The following PEX26 variants were observed in gnomAD, a reference collection of about 807,000 sequenced individuals.
PEX26 encodes the protein peroxisome assembly protein 26.
PEX26 carries 18 observed loss-of-function variants against 31.4 expected under a neutral mutation model. The ratio of observed to expected loss-of-function variants is 0.57; its 90% CI spans 0.40 to 0.85. The LOEUF (loss-of-function observed/expected upper bound fraction) is 0.85, where lower values mean the gene tolerates loss of function less well. Among genes scored for constraint, PEX26 ranks in the 40% least tolerant of loss-of-function variants. The pLI is 0.00. For missense variants in PEX26, 377 were observed against 383.9 expected (o/e 0.98, Z 0.15); for synonymous variants, 176 against 166.9 (o/e 1.05, Z -0.42).
chr22:18,100,502 G>A lies in PEX26; in HGVS notation c.*12427G>A, dbSNP rs1247302221. 1 of 152,112 alleles carries A rather than the reference G, an allele frequency of 6.6e-6. No individual in the cohort carries two copies. The highest frequency in any genetic ancestry group is 1.9e-4 in the East Asian group (1 of 5,196). The allele number at this position is 152,112 out of a possible 1,614,324, so 9.4% of individuals were successfully genotyped here. ...GGTCCGAAAGTATTTAGTCAGCAAT[G>A]TACCATTATAGAAAAACACATAGCT... is the stretch of plus-strand genomic sequence containing the variant. On this transcript the variant is annotated 3_prime_UTR_variant, in exon 5 of 5. Transcript: ENST00000399744.
chr22:18,084,810 C>T (rs1043009664), intron 3 of PEX26, among the ~76,000 whole-genome samples: 4 of 151,896 alleles, frequency 2.6e-5, no homozygotes, highest in African/African-American at 9.7e-5. Flanking sequence ...GCAGCCTCCA[C>T]CTCCCAGATT....
chr22:18,093,681 C>G lies in PEX26; in HGVS notation c.*5606C>G, dbSNP rs112669995. On this transcript the variant is annotated 3_prime_UTR_variant, in exon 5 of 5. Transcript: ENST00000399744. ...TAAGGTATTGCAAGAATGCCCAACC[C>G]TCTGGTGTCTGATTGTGTATCTAGC... The G allele has an allele frequency of 6.6e-6, 1 of 152,208 alleles. No individual in the cohort carries two copies. The highest frequency in any genetic ancestry group is 2.4e-5 in the African/African-American group (1 of 41,438). 9.4% of individuals were successfully genotyped at this position (152,208 alleles called of 1,614,324 possible).
chr22:18,084,249 T>C (rs1017605223), intron 3 of PEX26, among the ~76,000 whole-genome samples: 39 of 150,516 alleles, frequency 2.6e-4, no homozygotes, highest in African/African-American at 9.3e-4. Flanking sequence ...TTTTTTTTTT[T>C]TTTTTTTTTG....
At chr22:18,079,690 C>G (rs1338470697) in intron 1 of PEX26, among the ~76,000 whole-genome samples, 184 bp from the exon 2 acceptor site, 1 of 152,148 alleles carries the variant, frequency 6.6e-6, no homozygotes, top group East Asian at 1.9e-4. Context: ...GTTACAGGAA[C>G]TTTTAGTTCC....
In PEX26 at chr22:18,090,025, A is replaced by G. The variant is rs1276598658; in HGVS notation, c.*1950A>G. Reference sequence around the variant, plus strand: ...CCAACTTTTCTTTAGAAAAATGAGTAAAGTAGGTAAACTTCACAGGCCCCT... The same window carrying G: ...CCAACTTTTCTTTAGAAAAATGAGTGAAGTAGGTAAACTTCACAGGCCCCT... On this transcript the variant is annotated 3_prime_UTR_variant, in exon 5 of 5. Transcript: ENST00000399744. 2 of 152,134 alleles carry G rather than the reference A, an allele frequency of 1.3e-5. No individual in the cohort carries two copies. The highest frequency in any genetic ancestry group is 2.9e-5 in the Non-Finnish European group (2 of 68,038). The allele number at this position is 152,134 out of a possible 1,614,324, so 9.4% of individuals were successfully genotyped here.
chr22:18,080,139 C>CT (rs1336415084), intron 2 of PEX26, 125 bp downstream of exon 2: 75 of 1,023,542 alleles, frequency 7.3e-5, no homozygotes, highest in Non-Finnish European at 9.4e-5. Context: ...TTTCCCTTCA[C>CT]TTTTTTTTCC....
chr22:18,092,760 T>C lies in PEX26; in HGVS notation c.*4685T>C, dbSNP rs547952008. The C allele has an allele frequency of 9.1e-5, 12 of 131,462 alleles. No individual in the cohort carries two copies. The highest frequency in any genetic ancestry group is 1.8e-4 in the Admixed American group (2 of 10,916). 8.1% of individuals were successfully genotyped at this position (131,462 alleles called of 1,614,324 possible). A position where few individuals can be genotyped will look rare whatever the true frequency, so the allele number is the denominator to read the frequency against. ...ACTTTGGGAGGCCAGAGTGGGAGGA[T>C]TGCTTGAGCCTAGGAGTTCAAAGCT... is the stretch of plus-strand genomic sequence containing the variant. On this transcript the variant is annotated 3_prime_UTR_variant, in exon 5 of 5. Transcript: ENST00000399744.
In PEX26 at chr22:18,100,907, G is replaced by C. The variant is rs547438676; in HGVS notation, c.*12832G>C. 6.6e-6 allele frequency: 1 copy of C among 152,238 alleles called. No homozygotes were observed. Among genetic ancestry groups the C allele is most frequent in the East Asian group, 1.9e-4 (1 of 5,206 alleles). 9.4% of individuals were successfully genotyped at this position (152,238 alleles called of 1,614,324 possible). A position where few individuals can be genotyped will look rare whatever the true frequency, so the allele number is the denominator to read the frequency against. The stretch of plus-strand genomic sequence containing the variant: ...AAACACAGTTAATATGCTGGAAGAA[G>C]AGGATAGCTTTTAGTCTATTTCCAG... On this transcript the variant is annotated 3_prime_UTR_variant, in exon 5 of 5. Transcript: ENST00000399744.
At chr22:18,079,128 A>G (rs1926442941) in intron 1 of PEX26, 1 of 755,572 alleles carries the variant, frequency 1.3e-6, no homozygotes, top group Non-Finnish European at 1.6e-6. Flanking sequence ...TGAGCCCAGG[A>G]GTTCGAGACC....
Position 18,098,700 on chromosome 22 carries a change from T to C in PEX26, c.*10625T>C, listed in dbSNP as rs1342076498. ...TTATAATATTATTGTGTAAAATGAG[T>C]AAAAGTCTATAAGAAAAACTTTGAA... On this transcript the variant is annotated 3_prime_UTR_variant, in exon 5 of 5. Transcript: ENST00000399744. The C allele has an allele frequency of 2.0e-5, 3 of 151,906 alleles. No homozygotes were observed. The highest frequency in any genetic ancestry group is 7.2e-5 in the African/African-American group (3 of 41,434). The allele number at this position is 151,906 out of a possible 1,614,324, so 9.4% of individuals were successfully genotyped here. A position where few individuals can be genotyped will look rare whatever the true frequency, so the allele number is the denominator to read the frequency against.
In PEX26 at chr22:18,078,053, T is replaced by A. The variant is rs902985933; in HGVS notation, c.-324T>A. The A allele has an allele frequency of 6.7e-5, 35 of 524,444 alleles. No homozygotes were observed. Among genetic ancestry groups the A allele is most frequent in the African/African-American group, 3.2e-4 (17 of 52,460 alleles). 32.5% of individuals were successfully genotyped at this position (524,444 alleles called of 1,614,324 possible). A position where few individuals can be genotyped will look rare whatever the true frequency, so the allele number is the denominator to read the frequency against. On this transcript the variant is annotated 5_prime_UTR_variant, in exon 1 of 5. Coordinates refer to ENST00000399744, the MANE Select transcript of PEX26 (RefSeq NM_001127649.3). ...GCCCGCTGCCGGGAGGCGAGGTGAG[T>A]CTTTGATCGTAACCAGGAGCCCGGA...
intron 2 of PEX26, among the ~76,000 whole-genome samples, chr22:18,082,231 C>G (rs965583914): frequency 1.3e-5 from 2 of 151,818 alleles, no homozygotes; most frequent in African/African-American, 4.8e-5. Flanking sequence ...TTCATTTGTC[C>G]ATTTTTGCTT....
chr22:18,078,403 A>G lies in PEX26; in HGVS notation c.27A>G (p.Ala9=). The G allele has an allele frequency of 6.3e-7, 1 of 1,597,282 alleles. No individual in the cohort carries two copies. The highest frequency in any genetic ancestry group is 1.7e-5 in the Admixed American group (1 of 58,158). Residue 9 remains alanine, a synonymous_variant, in exon 1 of 5, where the codon GCA becomes GCG. Transcript: ENST00000399744. Reference sequence around the variant, plus strand: ...TGAAGAGCGATTCTTCGACCTCTGCAGCCCCCCTCAGGGGGCTCGGGGGAC... The same window carrying G: ...TGAAGAGCGATTCTTCGACCTCTGCGGCCCCCCTCAGGGGGCTCGGGGGAC... MKSDSSTS[A]APLRGLGGPL... is the part of the protein sequence containing the mutation.
At chr22:18,078,979 T>G in intron 1 of PEX26, 1 of 389,118 alleles carries the variant, frequency 2.6e-6, no homozygotes, top group South Asian at 2.0e-5. Flanking sequence ...CCTTGGCTGA[T>G]GATGGGGAAT....
rs1198363471 is a variant in PEX26 at position 18,078,598 on chromosome 22, C to T, written c.222C>T (p.Pro74=). The T allele has an allele frequency of 6.3e-7, 1 of 1,599,926 alleles. No homozygotes were observed. The highest frequency in any genetic ancestry group is 1.7e-5 in the Admixed American group (1 of 58,872). ...CCAACCACGCCGTGGCAGAGGAACCCGCGGGCACGTACGTGCTGGGCTCGG... is the reference window on the plus strand; with the variant it reads ...CCAACCACGCCGTGGCAGAGGAACCTGCGGGCACGTACGTGCTGGGCTCGG... ...SLANHAVAEE[P]AGTSLEVKCS... The change falls in exon 1 of 5, where the codon CCC becomes CCT. Residue 74 remains proline (P), a synonymous_variant. Coordinates refer to ENST00000399744, the MANE Select transcript of PEX26 (RefSeq NM_001127649.3).
In PEX26 at chr22:18,103,092, C is replaced by CAGAA. The variant is rs1556596390; in HGVS notation, c.*15018_*15019insGAAA. On this transcript the variant is annotated 3_prime_UTR_variant, in exon 5 of 5. Transcript: ENST00000399744. Reference sequence around the variant, plus strand: ...TGGGCGACAGTGTGCGACTGCATCTCAAAAAAAAAAAAAAAAAAAAGGCAT... The same window carrying CAGAA: ...TGGGCGACAGTGTGCGACTGCATCTCAGAAAAAAAAAAAAAAAAAAAAAAGGCAT... 14 of 87,764 alleles carry CAGAA rather than the reference C, an allele frequency of 1.6e-4. No individual in the cohort carries two copies. The East Asian group carries it at 4.7e-3, about 30-fold the overall frequency. 5.4% of individuals were successfully genotyped at this position (87,764 alleles called of 1,614,324 possible).
In PEX26 at chr22:18,088,764, AC is replaced by A. The variant is rs1926952837; in HGVS notation, c.*690del. On this transcript the variant is annotated 3_prime_UTR_variant, in exon 5 of 5. Coordinates refer to ENST00000399744, the MANE Select transcript of PEX26 (RefSeq NM_001127649.3). This position sits in a 1 kb window ranked among gnomAD's most constrained non-coding sequence, Gnocchi z 4.1. ...GCACTCTCTCAAAACAAACAAAAAA[AC>A]ATGCCCCACAGGACAGTACCTTAAT... is the stretch of plus-strand genomic sequence containing the variant. 5.9e-6 allele frequency: 1 copy of A among 168,788 alleles called. No homozygotes were observed. The highest frequency in any genetic ancestry group is 5.4e-5 in the Admixed American group (1 of 18,372). The allele number at this position is 168,788 out of a possible 1,614,324, so 10.5% of individuals were successfully genotyped here.
rs1013079324 is a variant in PEX26, at chr22:18,103,257, T to C, written c.*15182T>C. On this transcript the variant is annotated 3_prime_UTR_variant, in exon 5 of 5. Coordinates refer to ENST00000399744, the MANE Select transcript of PEX26 (RefSeq NM_001127649.3). ...TGAGTTCTAATGCTTGATAGCAGAATAGGGTGACCATTGTTAACACTGTAT... is the reference window on the plus strand; with the variant it reads ...TGAGTTCTAATGCTTGATAGCAGAACAGGGTGACCATTGTTAACACTGTAT... 3.3e-5 allele frequency: 5 copies of C among 150,864 alleles called. No individual in the cohort carries two copies. Among genetic ancestry groups the C allele is most frequent in the African/African-American group, 1.2e-4 (5 of 40,340 alleles). The allele number at this position is 150,864 out of a possible 1,614,324, so 9.3% of individuals were successfully genotyped here. A position where few individuals can be genotyped will look rare whatever the true frequency, so the allele number is the denominator to read the frequency against.
At position 18,079,871 on chromosome 22, in the gene PEX26, C is replaced by A. The variant is rs779254167; in HGVS notation, c.231-3C>A. ...TAACTGAAATTGGTTTTTCTGCTGA[C>A]AGCTCATTGGAGGTGAAGTGCTCCC... is the stretch of plus-strand genomic sequence containing the variant. On this transcript the variant is annotated splice_polypyrimidine_tract_variant and splice_region_variant and intron_variant, in intron 1 of 4. Transcript: ENST00000399744. 1.2e-6 allele frequency: 2 copies of A among 1,614,030 alleles called. No individual in the cohort carries two copies. Among genetic ancestry groups the A allele is most frequent in the Admixed American group, 3.3e-5 (2 of 60,002 alleles).
Sources: allele counts gnomAD v4.1 joint callset (sites outside exome capture counted in the v4.1 genomes callset), GRCh38; gene constraint gnomAD v4.1.1; non-coding constraint Gnocchi (gnomAD v3.1); transcripts MANE v1.5; gene names NCBI Gene and HGNC (gene_info 2026-07-23, HGNC 2026-07-21).